LMNTD2: variants seen among roughly 807,000 people sequenced by gnomAD.
The protein encoded by LMNTD2 is lamin tail domain-containing protein 2.
LMNTD2 carries 83 observed loss-of-function variants against 70.1 expected under a neutral mutation model. That is an observed-to-expected ratio of 1.18 (90% CI 0.99 to 1.42). The LOEUF (loss-of-function observed/expected upper bound fraction) is 1.42. Among genes scored for constraint, LMNTD2 ranks in the 40% most tolerant of loss-of-function variants. The probability of loss-of-function intolerance (pLI) is 0.00; values close to 1 mark genes in which losing one functional copy is unlikely to be tolerated. For synonymous variants in LMNTD2, 534 were observed against 406.1 expected, an observed-to-expected ratio of 1.31 and a Z score of -3.79; for missense variants, 1,153 against 905.9, an observed-to-expected ratio of 1.27 and a Z score of -3.50.
intron 7 of LMNTD2, 80 bp from the exon 8 acceptor site, chr11:557,177 A>C: frequency 6.7e-7 from 1 of 1,484,060 alleles, no homozygotes; most frequent in African/African-American, 1.4e-5. Flanking sequence ...AAGGCAGTGC[A>C]GCAGGGAGCC....
chr11:555,439 G>GCGCAGGCCCCTCCCGCGCGGGGAAA lies in LMNTD2; in HGVS notation c.1638_1639insTTTCCCCGCGCGGGAGGGGCCTGCG (p.Arg547PhefsTer27), dbSNP rs1450682239. On this transcript the variant is annotated frameshift_variant, in exon 13 of 14. Coordinates refer to ENST00000329451, the MANE Select transcript of LMNTD2 (RefSeq NM_173573.3). LOFTEE classifies it high-confidence loss of function. ...GCGGGGATCTCGGGGTTCTCGGGCC[G>GCGCAGGCCCCTCCCGCGCGGGGAAA]CGCAGGCCCCTCCCGCGCGTGGAAG... 4 of 1,387,754 alleles carry GCGCAGGCCCCTCCCGCGCGGGGAAA rather than the reference G, an allele frequency of 2.9e-6. No individual in the cohort carries two copies. The African/African-American group carries it at 6.1e-5, about 21-fold the overall frequency. 86.0% of individuals were successfully genotyped at this position (1,387,754 alleles called of 1,614,324 possible).
At position 554,953 on chromosome 11, in the gene LMNTD2, C is replaced by T. The variant is rs758220628; in HGVS notation, c.*27G>A. 12 of 1,490,378 alleles carry T rather than the reference C, an allele frequency of 8.1e-6. No individual in the cohort carries two copies. In the East Asian group the frequency reaches 2.9e-4, roughly 36 times the overall value. The allele number at this position is 1,490,378 out of a possible 1,614,324, so 92.3% of individuals were successfully genotyped here. A position where few individuals can be genotyped will look rare whatever the true frequency, so the allele number is the denominator to read the frequency against. ...CCCGGCGCCCGCCCGCGCCCTCCCT[C>T]GCGGTCCCGGCCCCACTCCTCCGCC... On this transcript the variant is annotated 3_prime_UTR_variant, in exon 14 of 14. Transcript: ENST00000329451.
Position 557,448 on chromosome 11 carries a change from G to C in LMNTD2, c.664C>G (p.Arg222Gly), listed in dbSNP as rs554990782. The change falls in exon 7 of 14, where the codon CGC (arginine) becomes GGC (glycine). Residue 222 changes from arginine to glycine, a missense_variant. By Grantham distance (125) the Arg-to-Gly change is moderately radical. Coordinates refer to ENST00000329451, the MANE Select transcript of LMNTD2 (RefSeq NM_173573.3). ...LEDVDWNSVARRYPNLFTNME... is the reference protein window; with the variant it reads ...LEDVDWNSVAGRYPNLFTNME... ...TTGGTGAAGAGGTTGGGATACCGGC[G>C]GGCAACGCTGTTCCAATCCACGTCC... is the stretch of plus-strand genomic sequence containing the variant. 7.5e-6 allele frequency: 12 copies of C among 1,609,300 alleles called. No individual in the cohort carries two copies. Among genetic ancestry groups the C allele is most frequent in the South Asian group, 1.1e-5 (1 of 90,474 alleles).
At chr11:557,693 C>T in intron 5 of LMNTD2, 53 bp from the exon 6 acceptor site, 1 of 1,611,914 alleles carries the variant, frequency 6.2e-7, no homozygotes, top group Non-Finnish European at 8.5e-7. Flanking sequence ...TCCCCTACAG[C>T]ACCTCTCCTC....
Position 555,762 on chromosome 11 carries a change from C to G in LMNTD2, c.1546G>C (p.Glu516Gln), listed in dbSNP as rs1461064850. ...PRPLRKGRVR[E>Q]PRVSRRRPGT... ...GGTCTCCGGCGACTGACCCGGGGCT[C>G]CCGCACCCGGCCTTTGCGCAGGGGT... The change falls in exon 12 of 14, where the codon GAG becomes CAG. Residue 516 changes from glutamate to glutamine, a missense_variant. Physicochemically the swap from Glu to Gln is conservative, Grantham distance 29 (BLOSUM62 2). Coordinates refer to ENST00000329451, the MANE Select transcript of LMNTD2 (RefSeq NM_173573.3). The G allele has an allele frequency of 2.1e-6, 3 of 1,443,012 alleles. No individual in the cohort carries two copies. The highest frequency in any genetic ancestry group is 2.7e-6 in the Non-Finnish European group (3 of 1,110,874). The allele number at this position is 1,443,012 out of a possible 1,614,324, so 89.4% of individuals were successfully genotyped here. A position where few individuals can be genotyped will look rare whatever the true frequency, so the allele number is the denominator to read the frequency against.
At chr11:559,247 T>C in intron 1 of LMNTD2, 1 of 1,497,478 alleles carries the variant, frequency 6.7e-7, no homozygotes, top group Non-Finnish European at 9.0e-7. Context: ...GTCCCTGGCG[T>C]GTACCCCTGC....
At chr11:557,764 G>T in intron 5 of LMNTD2, 120 bp downstream of exon 5, 1 of 1,554,044 alleles carries the variant, frequency 6.4e-7, no homozygotes. Context: ...CAGAGTTCCA[G>T]AGGCACCTGA....
In LMNTD2 at chr11:555,597, T is replaced by C. The variant is rs1852798045; in HGVS notation, c.1575-94A>G. ...GGGGCGGGGCAGGGGCCGCGGGGCG[T>C]ACTGGAGGACCAGGGGGCGGCCGGG... is the stretch of plus-strand genomic sequence containing the variant. On this transcript the variant is annotated intron_variant, in intron 12 of 13. Coordinates refer to ENST00000329451, the MANE Select transcript of LMNTD2 (RefSeq NM_173573.3). 12 of 1,255,504 alleles carry C rather than the reference T, an allele frequency of 9.6e-6. No individual in the cohort carries two copies. In the South Asian group the frequency reaches 1.8e-4, roughly 19 times the overall value. The allele number at this position is 1,255,504 out of a possible 1,614,324, so 77.8% of individuals were successfully genotyped here.
intron 4 of LMNTD2, 46 bp from the exon 5 acceptor site, chr11:558,085 C>A: frequency 1.3e-6 from 2 of 1,594,094 alleles, no homozygotes. Flanking sequence ...GTGTCTTCTG[C>A]AGAAGGCCCC....
At chr11:557,218 C>A in intron 7 of LMNTD2, 121 bp from the exon 8 acceptor site, 1 of 1,429,312 alleles carries the variant, frequency 7.0e-7, no homozygotes, top group Non-Finnish European at 9.4e-7. Flanking sequence ...AGGCTCAGTT[C>A]ATGGCAGGAC....
At chr11:560,359 C>T in intron 1 of LMNTD2, 7 of 1,167,698 alleles carry the variant, frequency 6.0e-6, no homozygotes, top group Non-Finnish European at 7.4e-6. Context: ...AGGAAGGTGT[C>T]GGAGAAGAGC....
intron 13 of LMNTD2, 60 bp from the exon 14 acceptor site, chr11:555,171 G>GCGGCGAGGA: frequency 1.8e-6 from 1 of 554,580 alleles, no homozygotes; most frequent in Admixed American, 5.1e-5. Context: ...GGGGAGGGGA[G>GCGGCGAGGA]GGGAGGAGAG....
intron 1 of LMNTD2, chr11:559,422 G>A: frequency 7.6e-7 from 1 of 1,308,054 alleles, no homozygotes; most frequent in Non-Finnish European, 1.0e-6. Flanking sequence ...ACCCAGAAGG[G>A]GTGGGGCTGT....
At chr11:555,281 G>T in intron 13 of LMNTD2, 24 bp downstream of exon 13, 1 of 1,371,578 alleles carries the variant, frequency 7.3e-7, no homozygotes. Context: ...AGAGGAGGGG[G>T]CGCACCCGCA....
intron 1 of LMNTD2, chr11:560,116 C>T (rs948382137): frequency 1.6e-4 from 29 of 178,918 alleles, no homozygotes; most frequent in Non-Finnish European, 2.7e-4. Context: ...CAGCTTTCAC[C>T]CTTCATCTCT....
chr11:555,230 GGA>G lies in LMNTD2; in HGVS notation c.1773+73_1773+74del, dbSNP rs528952627. On this transcript the variant is annotated intron_variant, in intron 13 of 13. Transcript: ENST00000329451. ...AGGGGAGGGGACGAGGAGACAGAGG[GGA>G]GGGAGGGGCGGGAGAGGAGAGGAGG... The G allele has an allele frequency of 7.7e-3, 6,999 of 912,546 alleles. 48 individuals carry two copies. The highest frequency in any genetic ancestry group is 0.016 in the African/African-American group (635 of 40,076). The allele number at this position is 912,546 out of a possible 1,614,324, so 56.5% of individuals were successfully genotyped here.
chr11:558,525 T>C, intron 3 of LMNTD2, 89 bp downstream of exon 3: 2 of 1,464,430 alleles, frequency 1.4e-6, no homozygotes, highest in South Asian at 2.7e-5. Flanking sequence ...AGGATCTGCC[T>C]CAGCGGTTGG....
At chr11:555,238 G>C in intron 13 of LMNTD2, 67 bp downstream of exon 13, 1 of 1,065,294 alleles carries the variant, frequency 9.4e-7, no homozygotes. Flanking sequence ...GGGGAGGGAG[G>C]GGCGGGAGAG....
rs180958735 is a variant in LMNTD2, at chr11:556,890, G to A, written c.921C>T (p.Arg307=). 781 of 1,596,390 alleles carry A rather than the reference G, an allele frequency of 4.9e-4. 1 individual carries two copies. The highest frequency in any genetic ancestry group is 5.9e-4 in the Non-Finnish European group (696 of 1,173,502). Residue 307 remains arginine (R), a synonymous_variant, in exon 8 of 14, where the codon CGC becomes CGT. Transcript: ENST00000329451. ...QVIGHPPRDH[R]ASSEQALVQA... The stretch of plus-strand genomic sequence containing the variant: ...GCACCAGCGCTTGCTCGGAGGAAGC[G>A]CGGTGGTCCCGGGGCGGGTGCCCTA...
Sources: allele counts gnomAD v4.1 joint callset, GRCh38; gene constraint gnomAD v4.1.1; transcripts MANE v1.5; gene names NCBI Gene and HGNC (gene_info 2026-07-23, HGNC 2026-07-21).